LTA4H: variants seen among roughly 807,000 people sequenced by gnomAD.
The protein encoded by LTA4H is leukotriene A-4 hydrolase.
In LTA4H, 59 loss-of-function variants were observed where a neutral mutation model predicts 89.8. The ratio of observed to expected loss-of-function variants is 0.66; its 90% CI spans 0.53 to 0.82. LTA4H has a LOEUF of 0.82. Ranked by LOEUF, LTA4H falls within the 40% of genes least tolerant of loss-of-function variation. The pLI is 0.00. For synonymous variants in LTA4H, 227 were observed against 253.1 expected (o/e 0.90, Z 0.98); for missense variants, 617 against 727.0 (o/e 0.85, Z 1.74).
Position 96,034,734 on chromosome 12 carries a change from G to A in LTA4H, c.159+627C>T, listed in dbSNP as rs554710417. 3.0e-4 allele frequency among the ~76,000 whole-genome samples: 46 copies of A among 152,370 alleles called. 1 individual carries two copies. The East Asian group carries it at 8.7e-3, about 29-fold the overall frequency. ...TGGAAATCCTAAGAGGCTTGAGAAC[G>A]ACTAGCAGGGAGATCCAGGGAACTA... is the stretch of plus-strand genomic sequence containing the variant. On this transcript the variant is annotated intron_variant, in intron 1 of 18. Transcript: ENST00000228740.
At chr12:96,011,598 A>G (rs988910870) in intron 14 of LTA4H, 2 of 152,320 alleles carry the variant, frequency 1.3e-5, no homozygotes, top group Admixed American at 6.5e-5. Context: ...TTTAAAAAAA[A>G]TACTTTTCAT....
intron 15 of LTA4H, among the ~76,000 whole-genome samples, chr12:96,008,547 C>A (rs570426268): frequency 6.1e-4 from 90 of 147,372 alleles, no homozygotes; most frequent in Non-Finnish European, 1.1e-3. Flanking sequence ...TTTTTGCATA[C>A]TTTTTTTTTT....
chr12:96,043,169 A>G, intron 1 of LTA4H: 1 of 679,102 alleles, frequency 1.5e-6, no homozygotes, highest in South Asian at 1.7e-5. Flanking sequence ...CCCTGACGCA[A>G]CCTGCAGTAG....
At chr12:96,007,182 T>C (rs1184896208) in intron 15 of LTA4H, among the ~76,000 whole-genome samples, 1 of 152,194 alleles carries the variant, frequency 6.6e-6, no homozygotes, top group African/African-American at 2.4e-5. Flanking sequence ...ATTTAATGCA[T>C]AGGTATATAC....
At chr12:96,028,131 T>A (rs1442461577) in intron 2 of LTA4H, among the ~76,000 whole-genome samples, 4 of 152,274 alleles carry the variant, frequency 2.6e-5, no homozygotes, top group Non-Finnish European at 5.9e-5. Context: ...AAAGTATCAG[T>A]CTATGACAGA....
intron 10 of LTA4H, among the ~76,000 whole-genome samples, 159 bp downstream of exon 10, chr12:96,016,885 G>A (rs1022424826): frequency 6.6e-6 from 1 of 150,992 alleles, no homozygotes; most frequent in African/African-American, 2.4e-5. Flanking sequence ...GAGTGACAGA[G>A]TGAGACTCCA....
At chr12:96,036,075 C>CT (rs1458702175), upstream of LTA4H, among the ~76,000 whole-genome samples, 4 of 152,046 alleles carry the variant, frequency 2.6e-5, no homozygotes, top group African/African-American at 9.7e-5. Context: ...GACCGGGGTT[C>CT]GATTCCCCGA....
In LTA4H at chr12:96,022,860, C is replaced by G. The variant is rs1038392667; in HGVS notation, c.481-609G>C. On this transcript the variant is annotated intron_variant, in intron 4 of 18. Coordinates refer to ENST00000228740, the MANE Select transcript of LTA4H (RefSeq NM_000895.3). This position sits in a 1 kb window ranked among gnomAD's most constrained non-coding sequence, Gnocchi z 4.0. ...GATTCAAAAGGACGTTATATACTCA[C>G]TGTAGGACAGAATGGTTTTGAACAA... Among the ~76,000 whole-genome samples, 3 of 152,314 alleles carry G rather than the reference C, an allele frequency of 2.0e-5. No homozygotes were observed. The East Asian group carries it at 5.8e-4, about 29-fold the overall frequency.
upstream of LTA4H, among the ~76,000 whole-genome samples, chr12:96,036,482 TAAAG>T (rs1205928934): frequency 2.6e-5 from 4 of 152,194 alleles, no homozygotes; most frequent in African/African-American, 7.2e-5. Context: ...AGGCGACTGA[TAAAG>T]CATGGTCAGA....
chr12:96,038,462 A>T (rs952478092), upstream of LTA4H, among the ~76,000 whole-genome samples: 1 of 152,046 alleles, frequency 6.6e-6, no homozygotes, highest in African/African-American at 2.4e-5. Context: ...GTAACTGCAC[A>T]TTCAACCTCC....
chr12:96,040,842 G>A (rs1252735144), intron 1 of LTA4H, among the ~76,000 whole-genome samples: 1 of 152,188 alleles, frequency 6.6e-6, no homozygotes, highest in Non-Finnish European at 1.5e-5. Flanking sequence ...GTCTCAGTTG[G>A]GTGAGTTTAT....
chr12:96,019,084 C>T, intron 7 of LTA4H, 84 bp downstream of exon 7: 2 of 1,299,484 alleles, frequency 1.5e-6, no homozygotes, highest in Non-Finnish European at 2.2e-6. Flanking sequence ...TTCCCCGTAT[C>T]ACTTAAAACC....
At chr12:96,009,044 C>G (rs1034672205) in intron 15 of LTA4H, 50 bp downstream of exon 15, 3 of 1,315,534 alleles carry the variant, frequency 2.3e-6, no homozygotes, top group Non-Finnish European at 1.1e-6. Flanking sequence ...TGAGTAAAGA[C>G]ATATTTGCAC....
At chr12:96,041,996 T>C (rs1356257494) in intron 1 of LTA4H, among the ~76,000 whole-genome samples, 1 of 147,880 alleles carries the variant, frequency 6.8e-6, no homozygotes, top group Non-Finnish European at 1.5e-5. Context: ...CTTTTTTTTT[T>C]TTTTTTTGAC....
At chr12:96,027,714 G>T in intron 2 of LTA4H, 150 bp from the exon 3 acceptor site, 2 of 430,702 alleles carry the variant, frequency 4.6e-6, no homozygotes, top group East Asian at 8.5e-5. Context: ...CATCCTCAGT[G>T]GGTAAGTCTC....
Position 96,027,488 on chromosome 12 carries a change from G to C in LTA4H, c.367C>G (p.Gln123Glu). Residue 123 changes from glutamine to glutamate, a missense_variant, in exon 3 of 19, where the codon CAG (glutamine) becomes GAG (glutamate). Coordinates refer to ENST00000228740, the MANE Select transcript of LTA4H (RefSeq NM_000895.3). ...TATGGGTGTTCCTTCCCAGAAGTCT[G>C]TTCAGGAGTGAGCCACTGGAGAGCA... ...SSALQWLTPE[Q>E]TSGKEHPYLF... 5 of 1,612,406 alleles carry C rather than the reference G, an allele frequency of 3.1e-6. No homozygotes were observed. The highest frequency in any genetic ancestry group is 4.2e-6 in the Non-Finnish European group (5 of 1,179,100).
intron 15 of LTA4H, among the ~76,000 whole-genome samples, chr12:96,008,188 C>CTTA (rs1950234886): frequency 6.6e-6 from 1 of 152,088 alleles, no homozygotes; most frequent in Non-Finnish European, 1.5e-5. Context: ...GTCCCCTGAA[C>CTTA]TTAAAAGTTG....
intron 18 of LTA4H, among the ~76,000 whole-genome samples, chr12:96,001,787 CT>C (rs1006822684): frequency 6.6e-6 from 1 of 151,754 alleles, no homozygotes; most frequent in Admixed American, 6.6e-5. Flanking sequence ...AATGTAACTA[CT>C]ATAAACATCA....
intron 11 of LTA4H, 49 bp from the exon 12 acceptor site, chr12:96,015,048 A>G (rs759319790): frequency 1.3e-6 from 2 of 1,565,340 alleles, no homozygotes; most frequent in Non-Finnish European, 1.7e-6. Flanking sequence ...GACTGCTATC[A>G]CCACGCAAAT....
Sources: allele counts gnomAD v4.1 joint callset (sites outside exome capture counted in the v4.1 genomes callset), GRCh38; gene constraint gnomAD v4.1.1; non-coding constraint Gnocchi (gnomAD v3.1); transcripts MANE v1.5; gene names NCBI Gene and HGNC (gene_info 2026-07-23, HGNC 2026-07-21).